Variants in CEP135 observed in about 807,000 individuals in gnomAD.
CEP135 encodes the protein centrosomal protein 135.
In CEP135, 142 loss-of-function variants were observed where a neutral mutation model predicts 157.3. That is an observed-to-expected ratio of 0.90 (90% confidence interval 0.79 to 1.04). The LOEUF (loss-of-function observed/expected upper bound fraction) is 1.04, where lower values mean the gene tolerates loss of function less well. CEP135 is among the 50% of genes least tolerant of loss of function. The pLI is 0.00. For missense variants in CEP135, 1,317 were observed against 1,309.2 expected, an observed-to-expected ratio of 1.01 and a Z score of -0.09; for synonymous variants, 396 against 439.8, an observed-to-expected ratio of 0.90 and a Z score of 1.25.
chr4:56,016,350 A>G (rs1312892549), intron 21 of CEP135, among the ~76,000 whole-genome samples: 3 of 152,188 alleles, frequency 2.0e-5, no homozygotes, highest in Non-Finnish European at 4.4e-5. Context: ...GCCCTAGGGA[A>G]CTAATACACT....
In CEP135 at chr4:56,022,832, G is replaced by A. The variant is rs547588325; in HGVS notation, c.3321-1669G>A. 1.4e-4 allele frequency among the ~76,000 whole-genome samples: 22 copies of A among 152,184 alleles called. No homozygotes were observed. In the East Asian group the frequency reaches 3.5e-3, roughly 24 times the overall value. ...TATGGTAGGCCTGGCATGGTGGTTC[G>A]TGCCTGTAATCCCAGCACTTTGGGA... On this transcript the variant is annotated intron_variant, in intron 24 of 25. Transcript: ENST00000257287.
intron 13 of CEP135, among the ~76,000 whole-genome samples, chr4:55,983,791 A>AT (rs1351349365): frequency 6.6e-6 from 1 of 152,150 alleles, no homozygotes; most frequent in Non-Finnish European, 1.5e-5. Flanking sequence ...AAGTGCTAGA[A>AT]TTATAGGCAT....
At chr4:56,021,496 C>A (rs967736198) in intron 24 of CEP135, among the ~76,000 whole-genome samples, 2 of 152,116 alleles carry the variant, frequency 1.3e-5, no homozygotes, top group Non-Finnish European at 2.9e-5. Context: ...CGGATTGAGA[C>A]CTGCTTTAAA....
chr4:56,005,091 C>T (rs968638170), intron 17 of CEP135, among the ~76,000 whole-genome samples: 6 of 151,952 alleles, frequency 3.9e-5, no homozygotes, highest in Non-Finnish European at 8.8e-5. Context: ...GCTTACAAAA[C>T]GTATCTTTCT....
At chr4:55,963,319 C>T (rs1044012640) in intron 6 of CEP135, among the ~76,000 whole-genome samples, 3 of 152,166 alleles carry the variant, frequency 2.0e-5, no homozygotes, top group African/African-American at 4.8e-5. Flanking sequence ...TGTCCTAGTT[C>T]TTCAGACATC....
At chr4:55,992,412 G>A (rs1279119877) in intron 15 of CEP135, among the ~76,000 whole-genome samples, 1 of 152,150 alleles carries the variant, frequency 6.6e-6, no homozygotes, top group Non-Finnish European at 1.5e-5. Flanking sequence ...ATTTCATAGT[G>A]TAAGATACTG....
In CEP135 at chr4:56,011,514, G is replaced by T; in HGVS notation, c.2608G>T (p.Ala870Ser). 1 of 1,596,416 alleles carries T rather than the reference G, an allele frequency of 6.3e-7. No individual in the cohort carries two copies. Among genetic ancestry groups the T allele is most frequent in the Non-Finnish European group, 8.5e-7 (1 of 1,173,264 alleles). The change falls in exon 20 of 26, where the codon GCT (alanine) becomes TCT (serine). Residue 870 changes from alanine (A) to serine (S), a missense_variant. By Grantham distance (99) the Ala-to-Ser change is moderately conservative (BLOSUM62 1). Coordinates refer to ENST00000257287, the MANE Select transcript of CEP135 (RefSeq NM_025009.5). Reference protein sequence around the residue: ...TEVSRWESLMAAKEKENQDLL... With the variant: ...TEVSRWESLMSAKEKENQDLL... ...GGTGTCACGATGGGAGAGCTTAATG[G>T]CTGCCAAGGTGAAAAATATTATTTA...
intron 10 of CEP135, among the ~76,000 whole-genome samples, chr4:55,972,632 T>A (rs1034010568): frequency 6.6e-6 from 1 of 152,242 alleles, no homozygotes; most frequent in African/African-American, 2.4e-5. Context: ...TTAAGCTCTC[T>A]GTGCCTCAGT....
chr4:56,018,633 C>G (rs1201565097), intron 22 of CEP135, among the ~76,000 whole-genome samples: 1 of 151,988 alleles, frequency 6.6e-6, no homozygotes, highest in African/African-American at 2.4e-5. Context: ...TGGCATGTGC[C>G]TATAGTCCCA....
chr4:55,971,222 A>G (rs1347993697), intron 9 of CEP135, 48 bp from the exon 10 acceptor site: 12 of 1,425,896 alleles, frequency 8.4e-6, no homozygotes, highest in South Asian at 4.1e-5. Flanking sequence ...GTGCGATAAT[A>G]TTTTATAAAG....
intron 10 of CEP135, among the ~76,000 whole-genome samples, chr4:55,974,189 G>A (rs1729116418): frequency 6.6e-6 from 1 of 152,094 alleles, no homozygotes; most frequent in Admixed American, 6.6e-5. Context: ...AATACATCAG[G>A]AAAATCATTC....
intron 17 of CEP135, among the ~76,000 whole-genome samples, chr4:56,006,025 C>G (rs1314800688): frequency 1.3e-5 from 2 of 152,106 alleles, no homozygotes; most frequent in Admixed American, 1.3e-4. Context: ...CTATCTTTGT[C>G]CTTGACCTTG....
intron 24 of CEP135, among the ~76,000 whole-genome samples, chr4:56,022,918 T>A (rs1006007308): frequency 6.6e-6 from 1 of 152,016 alleles, no homozygotes; most frequent in Non-Finnish European, 1.5e-5. Flanking sequence ...CAATATAGTG[T>A]GACCCCTAGC....
rs1728931801 is a variant in CEP135 at position 55,969,065 on chromosome 4, A to G, written c.1047A>G (p.Lys349=). Residue 349 remains lysine (K), a splice_region_variant and synonymous_variant, in exon 9 of 26, where the codon AAA becomes AAG. Transcript: ENST00000257287. ...TADKELGEAK[K]EIKRKLSEMQ... ...CCTAATAGGCTTTTTATTCCTAGAAAGAGATTAAAAGAAAGCTCTCTGAAA... is the reference window on the plus strand; with the variant it reads ...CCTAATAGGCTTTTTATTCCTAGAAGGAGATTAAAAGAAAGCTCTCTGAAA... 1.2e-6 allele frequency: 2 copies of G among 1,608,786 alleles called. No individual in the cohort carries two copies. The highest frequency in any genetic ancestry group is 1.3e-5 in the African/African-American group (1 of 74,576).
Position 56,008,344 on chromosome 4 carries a change from A to G in CEP135, c.2298A>G (p.Gln766=). The G allele has an allele frequency of 6.2e-7, 1 of 1,610,106 alleles. No individual in the cohort carries two copies. The highest frequency in any genetic ancestry group is 1.1e-5 in the South Asian group (1 of 89,968). The stretch of plus-strand genomic sequence containing the variant: ...TTCTATAGGAAAAAGCTGTTGCTCA[A>G]ATGAAGATAATGATCTCAGAGTGTG... ...NLANKEKAVA[Q]MKIMISECES... is the part of the protein sequence containing the mutation. The change falls in exon 18 of 26, where the codon CAA becomes CAG. Residue 766 remains glutamine (Q), a synonymous_variant. Coordinates refer to ENST00000257287, the MANE Select transcript of CEP135 (RefSeq NM_025009.5).
chr4:56,012,170 T>C (rs1343183757), intron 21 of CEP135, among the ~76,000 whole-genome samples, 185 bp downstream of exon 21: 1 of 152,206 alleles, frequency 6.6e-6, no homozygotes, highest in East Asian at 1.9e-4. Flanking sequence ...TTCTTCTGTC[T>C]CAGCCTCCTG....
At chr4:55,962,549 T>C (rs1396372495) in intron 6 of CEP135, among the ~76,000 whole-genome samples, 1 of 152,196 alleles carries the variant, frequency 6.6e-6, no homozygotes, top group African/African-American at 2.4e-5. Flanking sequence ...GTCTGTCTTC[T>C]GCACTCACTA....
intron 14 of CEP135, among the ~76,000 whole-genome samples, chr4:55,988,730 G>A (rs1163312460): frequency 6.6e-6 from 1 of 150,616 alleles, no homozygotes; most frequent in African/African-American, 2.5e-5. Flanking sequence ...GGCTGAGGCA[G>A]GCGAATCATG....
intron 14 of CEP135, among the ~76,000 whole-genome samples, chr4:55,986,421 G>A (rs1439345816): frequency 1.3e-5 from 2 of 152,052 alleles, no homozygotes; most frequent in East Asian, 3.9e-4. Flanking sequence ...ATGCACCTGT[G>A]GTGCCAGCTA....
Sources: allele counts gnomAD v4.1 joint callset (sites outside exome capture counted in the v4.1 genomes callset), GRCh38; gene constraint gnomAD v4.1.1; transcripts MANE v1.5; gene names NCBI Gene and HGNC (gene_info 2026-07-23, HGNC 2026-07-21).